DOCK1: variants seen among roughly 807,000 people sequenced by gnomAD.
DOCK1 encodes the protein dedicator of cytokinesis 1.
Under a neutral mutation model 262.7 loss-of-function variants are expected in DOCK1, and 138 were observed. That is an observed-to-expected ratio of 0.53 (90% confidence interval 0.46 to 0.61). The LOEUF is 0.61. Ranked by LOEUF, DOCK1 falls within the 20% of genes least tolerant of loss-of-function variation. DOCK1 has a pLI of 0.00. For synonymous variants in DOCK1, 866 were observed against 867.4 expected (o/e 1.00, Z 0.03); for missense variants, 1,908 against 2,370.7 (o/e 0.80, Z 4.05).
intron 29 of DOCK1, among the ~76,000 whole-genome samples, chr10:127,280,506 C>T (rs2060921485): frequency 6.6e-6 from 1 of 152,112 alleles, no homozygotes; most frequent in Non-Finnish European, 1.5e-5. Flanking sequence ...CAGGCACTTG[C>T]AAAATTGAAG....
chr10:126,910,026 T>C (rs1221892690), intron 1 of DOCK1, among the ~76,000 whole-genome samples: 1 of 152,198 alleles, frequency 6.6e-6, no homozygotes, highest in East Asian at 1.9e-4. Context: ...TTGCTAGGAA[T>C]AGTGTGATAT....
At chr10:126,981,770 T>A (rs1346623249) in intron 3 of DOCK1, 148 bp from the exon 4 acceptor site, 4 of 725,346 alleles carry the variant, frequency 5.5e-6, no homozygotes, top group South Asian at 2.0e-5. Flanking sequence ...CTTTTCTACT[T>A]CTTTGTGTTT....
intron 29 of DOCK1, among the ~76,000 whole-genome samples, chr10:127,318,734 G>A (rs1420213099): frequency 6.6e-6 from 1 of 152,242 alleles, no homozygotes; most frequent in East Asian, 1.9e-4. Context: ...GAATAAGCCT[G>A]ACCAAGCCTC....
At chr10:127,111,716 A>G (rs2048875835) in intron 25 of DOCK1, among the ~76,000 whole-genome samples, 2 of 152,178 alleles carry the variant, frequency 1.3e-5, no homozygotes, top group African/African-American at 4.8e-5. Context: ...TAGGTGGGTT[A>G]CTGATGCTCC....
intron 27 of DOCK1, among the ~76,000 whole-genome samples, chr10:127,157,385 T>C (rs761079478): frequency 1.2e-4 from 18 of 152,234 alleles, no homozygotes; most frequent in Non-Finnish European, 2.1e-4. Context: ...TGAGGACATG[T>C]GTATAAAATG....
At chr10:126,941,807 G>A (rs1454657749) in intron 1 of DOCK1, among the ~76,000 whole-genome samples, 1 of 152,080 alleles carries the variant, frequency 6.6e-6, no homozygotes, top group Non-Finnish European at 1.5e-5. Context: ...TTTGTGGATT[G>A]TACCTGTCTG....
At chr10:127,369,381 A>G (rs1447805281) in intron 33 of DOCK1, among the ~76,000 whole-genome samples, 3 of 152,184 alleles carry the variant, frequency 2.0e-5, no homozygotes, top group African/African-American at 7.2e-5. Flanking sequence ...CCAGACCCAA[A>G]GATGGTCTGA....
At chr10:127,003,739 A>G (rs2135196612) in intron 10 of DOCK1, among the ~76,000 whole-genome samples, 1 of 152,198 alleles carries the variant, frequency 6.6e-6, no homozygotes, top group East Asian at 1.9e-4. Context: ...AGATCACATG[A>G]GTTTGGGTGT....
chr10:127,349,741 T>A (rs1017400016), intron 31 of DOCK1, among the ~76,000 whole-genome samples: 2 of 152,174 alleles, frequency 1.3e-5, no homozygotes, highest in East Asian at 3.9e-4. Flanking sequence ...AGCTATTCCC[T>A]GCCTCTCTCC....
intron 10 of DOCK1, among the ~76,000 whole-genome samples, chr10:127,001,161 G>T (rs972099780): frequency 2.0e-5 from 3 of 152,098 alleles, no homozygotes; most frequent in Non-Finnish European, 2.9e-5. Context: ...TGATTTTTGG[G>T]ATTCATATGG....
chr10:127,111,500 G>C (rs2048862175), intron 25 of DOCK1, among the ~76,000 whole-genome samples: 1 of 152,026 alleles, frequency 6.6e-6, no homozygotes, highest in African/African-American at 2.4e-5. Context: ...TATTATTCCT[G>C]ACTGTCCATA....
At chr10:127,058,437 T>C (rs1050114217) in intron 22 of DOCK1, among the ~76,000 whole-genome samples, 9 of 152,016 alleles carry the variant, frequency 5.9e-5, no homozygotes, top group Non-Finnish European at 1.5e-5. Context: ...ATACAACATA[T>C]AGTTGTATTT....
chr10:127,110,421 A>G, intron 25 of DOCK1, 67 bp downstream of exon 25: 1 of 1,420,890 alleles, frequency 7.0e-7, no homozygotes, highest in East Asian at 2.4e-5. Context: ...TGACCCTCTG[A>G]ATTGCCTCTT....
chr10:127,106,360 G>A (rs1263729573), intron 24 of DOCK1, 59 bp downstream of exon 24: 1 of 1,542,340 alleles, frequency 6.5e-7, no homozygotes, highest in Admixed American at 2.0e-5. Flanking sequence ...CCTTCTCAGT[G>A]TGCTTAGTTT....
chr10:127,381,494 T>C, intron 37 of DOCK1, 126 bp downstream of exon 37: 1 of 737,208 alleles, frequency 1.4e-6, no homozygotes, highest in Non-Finnish European at 2.1e-6. Flanking sequence ...ATTGACTAAA[T>C]AAATGCAAGG....
intron 15 of DOCK1, among the ~76,000 whole-genome samples, chr10:127,025,752 A>G (rs2042795772): frequency 6.6e-6 from 1 of 152,054 alleles, no homozygotes; most frequent in African/African-American, 2.4e-5. Flanking sequence ...GCCCGGCCCA[A>G]AAACAGCAAC....
intron 29 of DOCK1, among the ~76,000 whole-genome samples, chr10:127,290,515 C>G (rs914894329): frequency 6.6e-6 from 1 of 152,186 alleles, no homozygotes; most frequent in Non-Finnish European, 1.5e-5. Context: ...GTGGTAATAT[C>G]TGGCATAACT....
chr10:127,440,177 T>A (rs903719835), intron 49 of DOCK1, among the ~76,000 whole-genome samples: 3 of 147,432 alleles, frequency 2.0e-5, no homozygotes, highest in African/African-American at 7.5e-5. Flanking sequence ...GTGGGGGGTG[T>A]GTTCCAGGCT....
At chr10:126,993,938 A>G (rs2039988116) in intron 6 of DOCK1, among the ~76,000 whole-genome samples, 1 of 152,200 alleles carries the variant, frequency 6.6e-6, no homozygotes, top group Non-Finnish European at 1.5e-5. Flanking sequence ...TTTAGATGGA[A>G]CATTTATTGG....
Sources: allele counts gnomAD v4.1 joint callset (sites outside exome capture counted in the v4.1 genomes callset), GRCh38; gene constraint gnomAD v4.1.1; transcripts MANE v1.5; gene names NCBI Gene and HGNC (gene_info 2026-07-23, HGNC 2026-07-21).